The following CPA6 variants were observed in gnomAD, a reference collection of about 807,000 sequenced individuals.
The protein encoded by CPA6 is carboxypeptidase A6.
A neutral mutation model predicts 63.3 loss-of-function variants in CPA6; 58 were observed. The observed-to-expected ratio is 0.92, with a 90% CI of 0.74 to 1.14. CPA6 has a LOEUF of 1.14. Among genes scored for constraint, CPA6 ranks in the 50% most tolerant of loss-of-function variants. The pLI is 0.00. For missense variants in CPA6, 565 were observed against 526.6 expected (o/e 1.07, Z -0.71); for synonymous variants, 185 against 179.0 (o/e 1.03, Z -0.27).
intron 1 of CPA6, among the ~76,000 whole-genome samples, chr8:67,710,531 CAG>C (rs1817238211): frequency 6.6e-6 from 1 of 151,274 alleles, no homozygotes; most frequent in African/African-American, 2.4e-5. Context: ...GATGTTATAC[CAG>C]AGTCAGGTTG....
chr8:67,612,704 C>T (rs1413600744), intron 2 of CPA6, among the ~76,000 whole-genome samples: 1 of 152,102 alleles, frequency 6.6e-6, no homozygotes, highest in Non-Finnish European at 1.5e-5. Flanking sequence ...TGGTAGAAAA[C>T]AGGAAACTTC....
intron 6 of CPA6, among the ~76,000 whole-genome samples, chr8:67,504,307 T>C (rs1414289059): frequency 1.3e-5 from 2 of 152,202 alleles, no homozygotes; most frequent in African/African-American, 4.8e-5. Flanking sequence ...CAGACTTTAA[T>C]GTGATCCAAC....
chr8:67,642,498 G>A (rs144693590), intron 1 of CPA6, among the ~76,000 whole-genome samples: 15 of 152,080 alleles, frequency 9.9e-5, no homozygotes, highest in Non-Finnish European at 1.9e-4. Flanking sequence ...AAACTGAATC[G>A]AAACCATAAT....
At chr8:67,624,532 G>A (rs1035518927) in intron 1 of CPA6, among the ~76,000 whole-genome samples, 1 of 152,230 alleles carries the variant, frequency 6.6e-6, no homozygotes, top group South Asian at 2.1e-4. Context: ...GAGTGGCAAC[G>A]AGGGACAGGA....
intron 1 of CPA6, among the ~76,000 whole-genome samples, chr8:67,675,299 C>G (rs138336869): frequency 6.6e-6 from 1 of 152,276 alleles, no homozygotes; most frequent in Non-Finnish European, 1.5e-5. Flanking sequence ...GCTGGTTGCT[C>G]TTGGCATTGC....
At chr8:67,503,178 A>G (rs899997218) in intron 6 of CPA6, among the ~76,000 whole-genome samples, 1 of 152,128 alleles carries the variant, frequency 6.6e-6, no homozygotes, top group Non-Finnish European at 1.5e-5. Flanking sequence ...AGCTGGGACT[A>G]CAGTTATGTG....
At chr8:67,453,174 A>C (rs1810592601) in intron 8 of CPA6, among the ~76,000 whole-genome samples, 1 of 152,188 alleles carries the variant, frequency 6.6e-6, no homozygotes, top group African/African-American at 2.4e-5. Context: ...AGGCTCCTGC[A>C]GTAACCCACA....
At chr8:67,727,683 C>T (rs1431396558) in intron 1 of CPA6, among the ~76,000 whole-genome samples, 3 of 152,172 alleles carry the variant, frequency 2.0e-5, no homozygotes, top group African/African-American at 7.2e-5. Flanking sequence ...ACTTTATCTG[C>T]ATAATAAGAC....
chr8:67,564,219 G>A (rs1813282814), intron 2 of CPA6, among the ~76,000 whole-genome samples: 1 of 152,158 alleles, frequency 6.6e-6, no homozygotes, highest in African/African-American at 2.4e-5. Context: ...TAGGCAACTG[G>A]TCTCTGGTTC....
At chr8:67,437,796 G>GAAAAAA (rs1365922355) in intron 8 of CPA6, among the ~76,000 whole-genome samples, 1 of 152,074 alleles carries the variant, frequency 6.6e-6, no homozygotes, top group African/African-American at 2.4e-5. Context: ...ACAGAAAAAT[G>GAAAAAA]AAAGGGCATG....
intron 1 of CPA6, among the ~76,000 whole-genome samples, chr8:67,650,791 T>C (rs1032910408): frequency 1.3e-5 from 2 of 152,120 alleles, no homozygotes; most frequent in Admixed American, 6.5e-5. Context: ...TCTTGTCGGA[T>C]TGTCTTTCAC....
intron 8 of CPA6, among the ~76,000 whole-genome samples, chr8:67,456,935 G>A (rs1810689840): frequency 6.6e-6 from 1 of 152,208 alleles, no homozygotes; most frequent in Non-Finnish European, 1.5e-5. Context: ...TGTGGAGGAA[G>A]AGCTCTCAGG....
At chr8:67,556,524 G>A (rs1227547687) in intron 2 of CPA6, among the ~76,000 whole-genome samples, 1 of 152,186 alleles carries the variant, frequency 6.6e-6, no homozygotes, top group Non-Finnish European at 1.5e-5. Flanking sequence ...AGGACTTGCT[G>A]CCTCTTTATC....
chr8:67,492,485 T>A (rs1811627639), intron 6 of CPA6, among the ~76,000 whole-genome samples: 2 of 152,134 alleles, frequency 1.3e-5, no homozygotes, highest in South Asian at 2.1e-4. Context: ...GTTTTTTTTT[T>A]ACAAAGAAAT....
intron 1 of CPA6, among the ~76,000 whole-genome samples, chr8:67,656,341 T>C (rs1204543165): frequency 6.6e-6 from 1 of 152,106 alleles, no homozygotes; most frequent in African/African-American, 2.4e-5. Context: ...ATTTGAGACA[T>C]CTCTTTTTCC....
At chr8:67,720,245 T>TA (rs1177123433) in intron 1 of CPA6, among the ~76,000 whole-genome samples, 3 of 152,064 alleles carry the variant, frequency 2.0e-5, no homozygotes, top group Non-Finnish European at 2.9e-5. Flanking sequence ...TGTCATCAGT[T>TA]AAGGCAAGGA....
intron 2 of CPA6, among the ~76,000 whole-genome samples, chr8:67,546,114 C>T (rs1051291047): frequency 3.3e-5 from 5 of 152,022 alleles, no homozygotes; most frequent in African/African-American, 9.7e-5. Context: ...ATGTCAAGAG[C>T]GAGGTGGTTT....
At chr8:67,550,484 A>G (rs1233510230) in intron 2 of CPA6, among the ~76,000 whole-genome samples, 1 of 152,220 alleles carries the variant, frequency 6.6e-6, no homozygotes, top group Non-Finnish European at 1.5e-5. Flanking sequence ...TGCTATTGTG[A>G]ATAGTGCTAC....
At chr8:67,497,899 C>T (rs560800059) in intron 6 of CPA6, among the ~76,000 whole-genome samples, 2 of 148,482 alleles carry the variant, frequency 1.3e-5, no homozygotes, top group Non-Finnish European at 1.5e-5. Flanking sequence ...GCCATGTTGT[C>T]CAGGCTGGTC....
Sources: gnomAD v4.1 joint callset for allele counts (sites outside exome capture counted in the v4.1 genomes callset) on GRCh38, gnomAD v4.1.1 for gene constraint, MANE v1.5 for transcripts, NCBI Gene and HGNC (gene_info 2026-07-23, HGNC 2026-07-21) for gene names.